The following RGS6 variants were observed in gnomAD, a reference collection of about 807,000 sequenced individuals.
The protein encoded by RGS6 is regulator of G protein signaling 6, also known as regulator of G-protein signaling 6.
Under a neutral mutation model 78.5 loss-of-function variants are expected in RGS6, and 30 were observed. The ratio of observed to expected loss-of-function variants is 0.38; its 90% CI spans 0.29 to 0.52. The LOEUF (loss-of-function observed/expected upper bound fraction) is 0.52, where lower values mean the gene tolerates loss of function less well. Among genes scored for constraint, RGS6 ranks in the 20% least tolerant of loss-of-function variants. RGS6 has a pLI of 0.85. For missense variants in RGS6, 495 were observed against 609.7 expected (o/e 0.81, Z 1.98); for synonymous variants, 206 against 206.0 (o/e 1.00, Z 0.00).
chr14:72,119,552 T>C (rs758795747), intron 2 of RGS6, among the ~76,000 whole-genome samples: 5 of 152,238 alleles, frequency 3.3e-5, no homozygotes, highest in Non-Finnish European at 5.9e-5. Flanking sequence ...AATTTTCATT[T>C]GGTTTGAAGA....
intron 2 of RGS6, among the ~76,000 whole-genome samples, chr14:72,109,145 T>C (rs1002283987): frequency 3.9e-5 from 6 of 152,132 alleles, no homozygotes; most frequent in African/African-American, 1.4e-4. Flanking sequence ...TTTTTTTTTC[T>C]TTCTGTTTTG....
intron 17 of RGS6, chr14:72,550,565 A>T: frequency 6.5e-7 from 1 of 1,535,568 alleles, no homozygotes; most frequent in Non-Finnish European, 8.7e-7. Flanking sequence ...CAACCTTGTA[A>T]TCTTCTGCAG....
At chr14:72,289,514 C>G (rs1190426563) in intron 2 of RGS6, among the ~76,000 whole-genome samples, 1 of 152,172 alleles carries the variant, frequency 6.6e-6, no homozygotes, top group Non-Finnish European at 1.5e-5. Flanking sequence ...TTCCCCACCC[C>G]TGCTCTTAGC....
At chr14:72,545,893 C>T (rs909415129) in intron 17 of RGS6, among the ~76,000 whole-genome samples, 2 of 146,452 alleles carry the variant, frequency 1.4e-5, no homozygotes, top group Admixed American at 6.7e-5. Flanking sequence ...CCCACCCTTC[C>T]GGTCTGGATG....
chr14:72,582,423 A>C, the RGS6 span, among the ~76,000 whole-genome samples: 4 of 152,222 alleles, frequency 2.6e-5, no homozygotes, highest in African/African-American at 9.6e-5. Flanking sequence ...TAAATGATTA[A>C]ATTCATGGAA....
At chr14:72,177,367 T>C (rs1209811883) in intron 2 of RGS6, among the ~76,000 whole-genome samples, 1 of 152,142 alleles carries the variant, frequency 6.6e-6, no homozygotes, top group East Asian at 1.9e-4. Flanking sequence ...GCAGGGAGGC[T>C]GAAAATGCTC....
At chr14:72,445,060 CTT>C (rs2095329220) in intron 3 of RGS6, among the ~76,000 whole-genome samples, 1 of 152,184 alleles carries the variant, frequency 6.6e-6, no homozygotes, top group South Asian at 2.1e-4. Context: ...GAGCTGAAGA[CTT>C]TACCTTTCCT....
At chr14:72,314,845 A>G (rs1321824313) in intron 2 of RGS6, among the ~76,000 whole-genome samples, 1 of 152,234 alleles carries the variant, frequency 6.6e-6, no homozygotes, top group African/African-American at 2.4e-5. Flanking sequence ...TATGTAAAAC[A>G]GAGATAATGT....
At chr14:72,132,272 T>C (rs2096337770) in intron 2 of RGS6, among the ~76,000 whole-genome samples, 1 of 151,586 alleles carries the variant, frequency 6.6e-6, no homozygotes, top group African/African-American at 2.4e-5. Flanking sequence ...GTATTCTTCT[T>C]CTTCTTCTTT....
the RGS6 span, among the ~76,000 whole-genome samples, chr14:71,880,562 A>G: frequency 2.6e-5 from 4 of 152,232 alleles, no homozygotes; most frequent in African/African-American, 7.2e-5. Context: ...AAAGGGGCCA[A>G]CACAGAGCTG....
At chr14:72,526,112 T>C (rs914685305) in intron 15 of RGS6, among the ~76,000 whole-genome samples, 1 of 151,978 alleles carries the variant, frequency 6.6e-6, no homozygotes, top group Admixed American at 6.6e-5. Flanking sequence ...TTCTTCTTTT[T>C]TTTTTTTTTG....
the RGS6 span, among the ~76,000 whole-genome samples, chr14:72,604,921 G>A: frequency 1.3e-5 from 2 of 152,180 alleles, no homozygotes; most frequent in African/African-American, 2.4e-5. Context: ...ATTAAAGCCA[G>A]AGGGACTCGG....
At chr14:72,199,580 G>A (rs1429445676) in intron 2 of RGS6, among the ~76,000 whole-genome samples, 3 of 152,196 alleles carry the variant, frequency 2.0e-5, no homozygotes, top group Non-Finnish European at 4.4e-5. Flanking sequence ...AGTGGCATGA[G>A]CTCATCTGCT....
At chr14:72,303,501 A>T (rs1003062311) in intron 2 of RGS6, among the ~76,000 whole-genome samples, 4 of 152,236 alleles carry the variant, frequency 2.6e-5, no homozygotes, top group African/African-American at 9.6e-5. Flanking sequence ...TCTGTCTCAA[A>T]GCAAAACAAA....
chr14:72,127,612 A>G (rs192540187), intron 2 of RGS6, among the ~76,000 whole-genome samples: 13 of 152,292 alleles, frequency 8.5e-5, no homozygotes, highest in Admixed American at 4.6e-4. Flanking sequence ...GGGCTTAAAA[A>G]AAACCATTTA....
At chr14:71,958,495 T>C (rs2092957523) in intron 1 of RGS6, among the ~76,000 whole-genome samples, 1 of 152,142 alleles carries the variant, frequency 6.6e-6, no homozygotes, top group Non-Finnish European at 1.5e-5. Flanking sequence ...TTTGTTCCAT[T>C]TTATAGGTGA....
At chr14:72,201,375 A>G (rs1162166330) in intron 2 of RGS6, among the ~76,000 whole-genome samples, 3 of 152,182 alleles carry the variant, frequency 2.0e-5, no homozygotes, top group Admixed American at 6.5e-5. Context: ...GTCTTTAAAG[A>G]GCTCAAGTCT....
At chr14:72,421,935 C>T (rs763717278) in intron 3 of RGS6, among the ~76,000 whole-genome samples, 10 of 152,132 alleles carry the variant, frequency 6.6e-5, no homozygotes, top group South Asian at 2.1e-4. Context: ...GATTAAATGG[C>T]GATATGGCTT....
chr14:71,967,633 T>C (rs2093601925), intron 2 of RGS6, among the ~76,000 whole-genome samples: 1 of 152,160 alleles, frequency 6.6e-6, no homozygotes, highest in Non-Finnish European at 1.5e-5. Context: ...ATTTTTGTTT[T>C]CTTTCTCTTG....
Sources: gnomAD v4.1 joint callset for allele counts (sites outside exome capture counted in the v4.1 genomes callset) on GRCh38, gnomAD v4.1.1 for gene constraint, MANE v1.5 for transcripts, NCBI Gene and HGNC (gene_info 2026-07-23, HGNC 2026-07-21) for gene names.